RBM39: variants seen among roughly 807,000 people sequenced by gnomAD.
RBM39 encodes the protein RNA binding motif protein 39, also known as RNA-binding protein 39.
RBM39 carries 12 observed loss-of-function variants against 79.6 expected under a neutral mutation model. The ratio of observed to expected loss-of-function variants is 0.15; its 90% CI spans 0.10 to 0.24. RBM39 has a LOEUF of 0.24. RBM39 is among the 10% of genes least tolerant of loss of function. The pLI, the probability that RBM39 is intolerant of heterozygous loss-of-function variation, is 1.00. For synonymous variants in RBM39, 185 were observed against 208.4 expected (o/e 0.89, Z 0.97); for missense variants, 243 against 653.4 (o/e 0.37, Z 6.85).
At chr20:35,712,845 G>A (rs1404738269) in intron 12 of RBM39, among the ~76,000 whole-genome samples, 174 bp downstream of exon 12, 1 of 152,112 alleles carries the variant, frequency 6.6e-6, no homozygotes, top group African/African-American at 2.4e-5. Flanking sequence ...TCATTTTGAT[G>A]CATGGTTAAT....
intron 6 of RBM39, among the ~76,000 whole-genome samples, chr20:35,727,229 G>A (rs994591290): frequency 2.6e-5 from 4 of 151,836 alleles, no homozygotes; most frequent in African/African-American, 9.7e-5. Flanking sequence ...TGCACCTATA[G>A]TCCCAGCTAC....
chr20:35,737,454 G>C (rs2040058603), intron 3 of RBM39, among the ~76,000 whole-genome samples: 3 of 151,782 alleles, frequency 2.0e-5, no homozygotes, highest in Admixed American at 2.0e-4. Flanking sequence ...CAGCTACTCG[G>C]GAGGCTGAGG....
chr20:35,737,310 A>C (rs1465162957), intron 3 of RBM39, among the ~76,000 whole-genome samples: 1 of 151,140 alleles, frequency 6.6e-6, no homozygotes, highest in Non-Finnish European at 1.5e-5. Flanking sequence ...GAATCGCTTA[A>C]GCCCGGGTGG....
In RBM39 at chr20:35,725,150, G is replaced by C; in HGVS notation, c.422C>G (p.Pro141Arg). The C allele has an allele frequency of 6.3e-7, 1 of 1,578,574 alleles. No homozygotes were observed. Among genetic ancestry groups the C allele is most frequent in the Non-Finnish European group, 8.7e-7 (1 of 1,152,460 alleles). The change falls in exon 7 of 17, where the codon CCT becomes CGT. Residue 141 changes from proline to arginine, a missense_variant. This residue lies in a region of RBM39 where 115 missense variants were observed against 184.1 expected (regional missense o/e 0.62). Transcript: ENST00000253363. ...FRKDKSPVRE[P>R]IDNLTPEERD... ...TTCCTCAGGAGTTAAATTATCAATA[G>C]GTTCTCTAATAGGAGTAAAACATAT...
At chr20:35,716,263 G>T in intron 10 of RBM39, among the ~76,000 whole-genome samples, 1 of 151,988 alleles carries the variant, frequency 6.6e-6, no homozygotes, top group South Asian at 2.1e-4. Context: ...TACTAGAGAC[G>T]GGGTTTCGCC....
chr20:35,723,384 C>T (rs1237170322), intron 8 of RBM39, among the ~76,000 whole-genome samples: 1 of 152,158 alleles, frequency 6.6e-6, no homozygotes, highest in Non-Finnish European at 1.5e-5. Context: ...CTGGGTCCCG[C>T]CAATGCACAC....
At chr20:35,725,463 T>C (rs1046824024) in intron 6 of RBM39, among the ~76,000 whole-genome samples, 2 of 152,112 alleles carry the variant, frequency 1.3e-5, no homozygotes, top group African/African-American at 4.8e-5. Flanking sequence ...AACTCCCCCA[T>C]AGCTACGGCA....
At chr20:35,712,870 C>G in intron 12 of RBM39, 149 bp downstream of exon 12, 2 of 609,124 alleles carry the variant, frequency 3.3e-6, no homozygotes, top group Non-Finnish European at 2.8e-6. Context: ...CCCTATGTCT[C>G]CACTTCCTTA....
At chr20:35,740,731 G>C (rs1162837151) in intron 2 of RBM39, 93 bp downstream of exon 2, 2 of 1,370,594 alleles carry the variant, frequency 1.5e-6, no homozygotes, top group Non-Finnish European at 2.1e-6. Flanking sequence ...AATCAAGAGG[G>C]CTCCGGGGAG....
At chr20:35,727,114 G>A (rs2038805396) in intron 6 of RBM39, among the ~76,000 whole-genome samples, 1 of 152,020 alleles carries the variant, frequency 6.6e-6, no homozygotes, top group Non-Finnish European at 1.5e-5. Context: ...AAGGCCGGGA[G>A]TAGCGTGCAG....
intron 3 of RBM39, chr20:35,735,025 A>G (rs543642761): frequency 1.1e-5 from 17 of 1,607,050 alleles, no homozygotes; most frequent in Middle Eastern, 1.7e-4. Context: ...GTGTTTTGCT[A>G]TAACTGGATT....
rs888872447 is a variant in RBM39, at chr20:35,701,755, A to G, written c.*2726T>C. 1.3e-5 allele frequency: 2 copies of G among 152,066 alleles called. No homozygotes were observed. Among genetic ancestry groups the G allele is most frequent in the African/African-American group, 2.4e-5 (1 of 41,396 alleles). 9.4% of individuals were successfully genotyped at this position (152,066 alleles called of 1,614,324 possible). ...GGCGACAGAGCGAGACTCTGTCTCA[A>G]AACAAAAAAAATTTGTATTCTTAGT... is the stretch of plus-strand genomic sequence containing the variant. On this transcript the variant is annotated 3_prime_UTR_variant, in exon 17 of 17. Transcript: ENST00000253363.
At chr20:35,723,183 G>A (rs939111111) in intron 8 of RBM39, among the ~76,000 whole-genome samples, 1 of 149,964 alleles carries the variant, frequency 6.7e-6, no homozygotes, top group Non-Finnish European at 1.5e-5. Context: ...GTATCACCAA[G>A]CAAACATTTT....
At position 35,722,433 on chromosome 20, in the gene RBM39, T is replaced by A. The variant is rs6142436; in HGVS notation, c.688-556A>T. On this transcript the variant is annotated intron_variant, in intron 8 of 16. Coordinates refer to ENST00000253363, the MANE Select transcript of RBM39 (RefSeq NM_184234.3). Reference sequence around the variant, plus strand: ...AAAAAAATAAAAATAAAAAAAAAAATAAAAATAAAAAGTTTATTTAGAGGC... The same window carrying A: ...AAAAAAATAAAAATAAAAAAAAAAAAAAAAATAAAAAGTTTATTTAGAGGC... Among the ~76,000 whole-genome samples, 605 of 111,380 alleles carry A rather than the reference T, an allele frequency of 5.4e-3. 20 individuals carry two copies. Among genetic ancestry groups the A allele is most frequent in the African/African-American group, 0.018 (505 of 27,626 alleles). The allele number at this position is 111,380 out of a possible 152,430, so 73.1% of individuals were successfully genotyped here. A position where few individuals can be genotyped will look rare whatever the true frequency, so the allele number is the denominator to read the frequency against.
intron 6 of RBM39, among the ~76,000 whole-genome samples, chr20:35,727,107 G>A (rs75294097): frequency 0.01 from 1,542 of 152,056 alleles, 15 homozygotes; most frequent in African/African-American, 0.035. Context: ...AGCTTTTAAG[G>A]CCGGGAGTAG....
At chr20:35,736,660 A>C (rs768091672) in intron 3 of RBM39, 48 of 457,436 alleles carry the variant, frequency 1.0e-4, no homozygotes, top group Middle Eastern at 4.0e-4. Context: ...ACAGATTTTT[A>C]TGTTTGTTTG....
chr20:35,717,363 G>GA (rs199964942), intron 9 of RBM39, among the ~76,000 whole-genome samples: 8 of 148,438 alleles, frequency 5.4e-5, no homozygotes, highest in African/African-American at 9.9e-5. Context: ...GCAGAGGGGA[G>GA]AAAAAAAAAC....
intron 6 of RBM39, among the ~76,000 whole-genome samples, chr20:35,725,524 G>A (rs894345454): frequency 6.6e-5 from 10 of 152,098 alleles, no homozygotes; most frequent in African/African-American, 1.9e-4. Context: ...CAGATGATCC[G>A]CCTGCCTTGG....
At chr20:35,725,846 T>G (rs942944709) in intron 6 of RBM39, among the ~76,000 whole-genome samples, 1 of 151,554 alleles carries the variant, frequency 6.6e-6, no homozygotes, top group Non-Finnish European at 1.5e-5. Context: ...GTATTTTAAG[T>G]AGAGATGTGG....
Sources: gnomAD v4.1 joint callset for allele counts (sites outside exome capture counted in the v4.1 genomes callset) on GRCh38, gnomAD v4.1.1 for gene constraint, gnomAD v4.1.1 regional missense constraint, MANE v1.5 for transcripts, NCBI Gene and HGNC (gene_info 2026-07-23, HGNC 2026-07-21) for gene names.